Variants in FAT3 observed in about 807,000 individuals in gnomAD.
FAT3 encodes the protein FAT atypical cadherin 3, also known as protocadherin Fat 3.
Under a neutral mutation model 310.2 loss-of-function variants are expected in FAT3, and 95 were observed. The observed-to-expected ratio is 0.31, with a 90% CI of 0.26 to 0.36. FAT3 has a LOEUF of 0.36. FAT3 is among the 10% of genes least tolerant of loss of function. The pLI is 1.00. For missense variants in FAT3, 5,408 were observed against 5,715.6 expected (o/e 0.95, Z 1.74); for synonymous variants, 2,314 against 2,192.9 (o/e 1.06, Z -1.54).
In FAT3 at chr11:92,821,228, G is replaced by A. The variant is rs548421080; in HGVS notation, c.9482-10394G>A. On this transcript the variant is annotated intron_variant, in intron 13 of 27. Transcript: ENST00000525166. ...AGAGACAAAGAGACTTTCCCAAGAT[G>A]ACTTAATTAGTGGCAAAGCTGGATT... Among the ~76,000 whole-genome samples, 12 of 152,306 alleles carry A rather than the reference G, an allele frequency of 7.9e-5. No individual in the cohort carries two copies. The South Asian group carries it at 2.3e-3, about 29-fold the overall frequency.
chr11:92,288,213 A>G (rs1394000112), intron 1 of FAT3, among the ~76,000 whole-genome samples: 2 of 152,188 alleles, frequency 1.3e-5, no homozygotes, highest in Non-Finnish European at 2.9e-5. Context: ...AAGTAAAATA[A>G]GGAAGTCACA....
intron 3 of FAT3, among the ~76,000 whole-genome samples, chr11:92,641,084 T>G (rs549896756): frequency 6.6e-6 from 1 of 152,182 alleles, no homozygotes; most frequent in African/African-American, 2.4e-5. Context: ...TAGTCCCAGC[T>G]ACTCGGGAGG....
Position 92,883,007 on chromosome 11 carries a change from A to G in FAT3, c.12551A>G (p.Tyr4184Cys), listed in dbSNP as rs771171177. 1.2e-6 allele frequency: 2 copies of G among 1,613,750 alleles called. No individual in the cohort carries two copies. The highest frequency in any genetic ancestry group is 3.3e-5 in the Admixed American group (2 of 60,016). Residue 4184 changes from tyrosine (Y) to cysteine (C), a missense_variant, in exon 24 of 28, where the codon TAC becomes TGC. Coordinates refer to ENST00000525166, the MANE Select transcript of FAT3 (RefSeq NM_001367949.2). This position sits in a 1 kb window ranked among gnomAD's most constrained non-coding sequence, Gnocchi z 4.2. Reference protein sequence around the residue: ...VFRKKVFRKNYSRNNITLVQD... With the variant: ...VFRKKVFRKNCSRNNITLVQD... ...CGCAAGAAGGTCTTCCGCAAGAACT[A>G]CTCCCGCAACAACATCACGCTAGTG...
At chr11:92,564,607 C>A (rs1440556960) in intron 3 of FAT3, among the ~76,000 whole-genome samples, 2 of 152,136 alleles carry the variant, frequency 1.3e-5, no homozygotes, top group African/African-American at 2.4e-5. Context: ...CCACACCACA[C>A]CTATTCCAAA....
At chr11:92,877,398 G>A (rs1949557404) in intron 22 of FAT3, among the ~76,000 whole-genome samples, 1 of 152,148 alleles carries the variant, frequency 6.6e-6, no homozygotes, top group Non-Finnish European at 1.5e-5. Context: ...CCAATGCTGT[G>A]ACGAGGCCTG....
At chr11:92,378,871 T>C (rs1185363738) in intron 2 of FAT3, among the ~76,000 whole-genome samples, 1 of 152,174 alleles carries the variant, frequency 6.6e-6, no homozygotes, top group Non-Finnish European at 1.5e-5. Flanking sequence ...GTGGAAGGGA[T>C]GAAGCATTTT....
chr11:92,259,693 A>G (rs1217983615), intron 1 of FAT3, among the ~76,000 whole-genome samples: 5 of 152,144 alleles, frequency 3.3e-5, no homozygotes, highest in Non-Finnish European at 7.4e-5. Context: ...ACATCTAACA[A>G]CTTGTAAATA....
chr11:92,277,976 C>T (rs1946321880), intron 1 of FAT3, among the ~76,000 whole-genome samples: 1 of 151,994 alleles, frequency 6.6e-6, no homozygotes, highest in African/African-American at 2.4e-5. Context: ...CCCAGCTCCT[C>T]AGGAGGCTGA....
chr11:92,704,177 A>C (rs1287437019), intron 4 of FAT3, among the ~76,000 whole-genome samples: 1 of 152,216 alleles, frequency 6.6e-6, no homozygotes, highest in African/African-American at 2.4e-5. Context: ...GTCTCTATGC[A>C]TCTGAAGAGC....
intron 3 of FAT3, among the ~76,000 whole-genome samples, chr11:92,615,054 T>C (rs1426377686): frequency 6.6e-6 from 1 of 152,234 alleles, no homozygotes; most frequent in Non-Finnish European, 1.5e-5. Context: ...TCTGTCTCAT[T>C]GGACTATGTG....
intron 2 of FAT3, among the ~76,000 whole-genome samples, chr11:92,429,879 T>A (rs1427435132): frequency 1.3e-5 from 2 of 152,188 alleles, no homozygotes; most frequent in Non-Finnish European, 2.9e-5. Context: ...TCAAGGAGTA[T>A]CTTTGTGGTG....
At chr11:92,834,771 C>T in intron 14 of FAT3, 99 bp from the exon 15 acceptor site, 2 of 1,078,852 alleles carry the variant, frequency 1.9e-6, no homozygotes, top group Non-Finnish European at 2.6e-6. Flanking sequence ...TGTTTAAATT[C>T]TTGGCTGGAG....
chr11:92,665,948 A>C (rs1942934466), intron 3 of FAT3, among the ~76,000 whole-genome samples: 1 of 152,186 alleles, frequency 6.6e-6, no homozygotes, highest in African/African-American at 2.4e-5. Context: ...AAGCAGGAGG[A>C]TCACTTGAGG....
At chr11:92,246,189 G>A (rs1278409342) in intron 1 of FAT3, among the ~76,000 whole-genome samples, 2 of 152,032 alleles carry the variant, frequency 1.3e-5, no homozygotes, top group Non-Finnish European at 2.9e-5. Flanking sequence ...AAGAAGTTTG[G>A]CAGTAAAGGA....
At chr11:92,868,830 A>G (rs1309713880) in intron 22 of FAT3, among the ~76,000 whole-genome samples, 1 of 152,234 alleles carries the variant, frequency 6.6e-6, no homozygotes, top group Non-Finnish European at 1.5e-5. Context: ...CTAAGTATTC[A>G]GTGGAACTAT....
chr11:92,504,080 T>A (rs963469378), intron 2 of FAT3, among the ~76,000 whole-genome samples: 1 of 152,142 alleles, frequency 6.6e-6, no homozygotes, highest in African/African-American at 2.4e-5. Context: ...TTGTGAATTA[T>A]TATGTAATGG....
intron 3 of FAT3, among the ~76,000 whole-genome samples, chr11:92,659,498 C>T (rs1231660261): frequency 6.6e-6 from 1 of 152,092 alleles, no homozygotes; most frequent in East Asian, 1.9e-4. Flanking sequence ...CCACTTTTTC[C>T]TTCTATGCAT....
At chr11:92,526,953 A>C (rs1953887968) in intron 3 of FAT3, among the ~76,000 whole-genome samples, 1 of 152,292 alleles carries the variant, frequency 6.6e-6, no homozygotes, top group East Asian at 1.9e-4. Flanking sequence ...TTACTTTTCA[A>C]GTAAGATCTA....
intron 1 of FAT3, among the ~76,000 whole-genome samples, chr11:92,232,257 C>A (rs1864214724): frequency 6.6e-6 from 1 of 151,862 alleles, no homozygotes; most frequent in Admixed American, 6.6e-5. Context: ...CTTTCCCACA[C>A]TTTCCACTTA....
Sources: gnomAD v4.1 joint callset for allele counts (sites outside exome capture counted in the v4.1 genomes callset) on GRCh38, gnomAD v4.1.1 for gene constraint, Gnocchi (gnomAD v3.1) non-coding constraint, MANE v1.5 for transcripts, NCBI Gene and HGNC (gene_info 2026-07-23, HGNC 2026-07-21) for gene names.